Variants in ERICH1 observed in about 807,000 individuals in gnomAD.
ERICH1 encodes glutamate rich 1.
In ERICH1, 56 loss-of-function variants were observed where a neutral mutation model predicts 39.6. That is an observed-to-expected ratio of 1.41 (90% CI 1.14 to 1.77). ERICH1 has a LOEUF of 1.77. Ranked by LOEUF, ERICH1 falls within the 40% of genes most tolerant of loss-of-function variation. ERICH1 has a pLI of 0.00. For missense variants in ERICH1, 826 were observed against 575.4 expected (o/e 1.44, Z -4.45); for synonymous variants, 313 against 223.6 (o/e 1.40, Z -3.57).
downstream of ERICH1, among the ~76,000 whole-genome samples, chr8:662,371 G>A (rs140509575): frequency 3.6e-4 from 55 of 152,334 alleles, no homozygotes; most frequent in Middle Eastern, 3.4e-3. Context: ...CATTTAGGCC[G>A]GGTGCAGTGG....
intron 2 of ERICH1, among the ~76,000 whole-genome samples, chr8:706,649 C>G (rs1348057284): frequency 6.6e-6 from 1 of 152,078 alleles, no homozygotes; most frequent in Non-Finnish European, 1.5e-5. Flanking sequence ...CGTGGTGGCA[C>G]ACGCATGTAA....
intron 4 of ERICH1, 151 bp from the exon 5 acceptor site, chr8:668,943 C>G (rs569132318): frequency 2.8e-6 from 2 of 709,302 alleles, no homozygotes; most frequent in Non-Finnish European, 2.3e-6. Context: ...AAGAGAGAAT[C>G]AGAACAGAGC....
At chr8:697,602 G>A (rs1810628016) in intron 2 of ERICH1, among the ~76,000 whole-genome samples, 1 of 152,104 alleles carries the variant, frequency 6.6e-6, no homozygotes, top group South Asian at 2.1e-4. Flanking sequence ...GGGTGGGTGA[G>A]GGGTCAGGGC....
At chr8:631,461 C>A (rs1258958628) in intron 3 of ERICH1, among the ~76,000 whole-genome samples, 1 of 152,074 alleles carries the variant, frequency 6.6e-6, no homozygotes, top group African/African-American at 2.4e-5. Context: ...GGGTCTGTAA[C>A]CTGAGCGGGA....
rs575949036 is a variant in ERICH1, at chr8:710,360, C to T, written c.169+5501G>A. 3.1e-3 allele frequency among the ~76,000 whole-genome samples: 462 copies of T among 148,142 alleles called. 2 individuals are homozygous for T. The highest frequency in any genetic ancestry group is 0.011 in the African/African-American group (441 of 39,876). On this transcript the variant is annotated intron_variant, in intron 2 of 5. Transcript: ENST00000262109. ...ACCTGCTCCTCCCAGTCCTCGGCATCGTACGGGGCGGTTTCACCGTCCTGC... is the reference window on the plus strand; with the variant it reads ...ACCTGCTCCTCCCAGTCCTCGGCATTGTACGGGGCGGTTTCACCGTCCTGC...
At chr8:634,652 G>A (rs1798285663) in intron 3 of ERICH1, among the ~76,000 whole-genome samples, 1 of 152,110 alleles carries the variant, frequency 6.6e-6, no homozygotes, top group South Asian at 2.1e-4. Flanking sequence ...GGAGCAGCCG[G>A]ACCAGCCCCC....
At position 648,233 on chromosome 8, in the gene ERICH1, C is replaced by G. The variant is rs1232685504; in HGVS notation, c.976+20365G>C. Among the ~76,000 whole-genome samples the G allele has an allele frequency of 3.0e-5, 2 of 66,394 alleles. 1 individual carries two copies. Among genetic ancestry groups the G allele is most frequent in the South Asian group, 1.1e-3 (2 of 1,770 alleles). 43.6% of individuals were successfully genotyped at this position (66,394 alleles called of 152,430 possible). A position where few individuals can be genotyped will look rare whatever the true frequency, so the allele number is the denominator to read the frequency against. On this transcript the variant is annotated intron_variant, in intron 3 of 3. Transcript: ENST00000522706. ...CCTTCACAGTGGGCTTCCCAGCACC[C>G]AGAACTATGGGAAATACATTTCTTT...
At position 664,437 on chromosome 8, in the gene ERICH1, A is replaced by T; in HGVS notation, c.*166T>A. 7.9e-7 allele frequency: 1 copy of T among 1,259,820 alleles called. No homozygotes were observed. The highest frequency in any genetic ancestry group is 3.8e-5 in the Admixed American group (1 of 26,318). 78.0% of individuals were successfully genotyped at this position (1,259,820 alleles called of 1,614,324 possible). The stretch of plus-strand genomic sequence containing the variant: ...AATTTCCATTTTACCCCAATTTCTC[A>T]TCTGAAGCCTCAGATGGCATCTTGC... On this transcript the variant is annotated 3_prime_UTR_variant, in exon 6 of 6. Coordinates refer to ENST00000262109, the MANE Select transcript of ERICH1 (RefSeq NM_207332.3).
intron 1 of ERICH1, among the ~76,000 whole-genome samples, chr8:719,284 C>G (rs1319872287): frequency 6.6e-6 from 1 of 152,238 alleles, no homozygotes; most frequent in Non-Finnish European, 1.5e-5. Flanking sequence ...CCTGCCCCAT[C>G]CACCCTCCAT....
chr8:709,176 A>G (rs576552968), intron 2 of ERICH1, among the ~76,000 whole-genome samples: 1 of 152,294 alleles, frequency 6.6e-6, no homozygotes, highest in African/African-American at 2.4e-5. Flanking sequence ...CCCTTGTGAC[A>G]CGACCTGATC....
At position 629,010 on chromosome 8, in the gene ERICH1, G is replaced by C. The variant is rs576527046; in HGVS notation, c.977-13726C>G. ...TGGCTTGAATCCATCAGCATCCTTT[G>C]TTCAGAAGGGCTCTCGGGGCCATGC... is the stretch of plus-strand genomic sequence containing the variant. On this transcript the variant is annotated intron_variant, in intron 3 of 3. Transcript: ENST00000522706. 3.9e-5 allele frequency among the ~76,000 whole-genome samples: 6 copies of C among 152,224 alleles called. No individual in the cohort carries two copies. In the East Asian group the frequency reaches 7.7e-4, roughly 20 times the overall value.
chr8:656,942 T>C (rs1256202899), intron 3 of ERICH1: 3 of 690,918 alleles, frequency 4.3e-6, no homozygotes, highest in Non-Finnish European at 5.4e-6. Flanking sequence ...ACCTAAATAA[T>C]GCATTTTAGT....
At chr8:626,076 A>G (rs1563163983) in intron 3 of ERICH1, 1 of 152,358 alleles carries the variant, frequency 6.6e-6, no homozygotes, top group East Asian at 1.9e-4. Flanking sequence ...GAACATGTGA[A>G]TCGTTTCCAC....
intron 3 of ERICH1, among the ~76,000 whole-genome samples, chr8:655,932 T>A (rs1800606478): frequency 6.6e-6 from 1 of 152,132 alleles, no homozygotes; most frequent in Non-Finnish European, 1.5e-5. Flanking sequence ...TTCTCGCAGT[T>A]ACACCCAATC....
chr8:663,081 G>A (rs1322731514), downstream of ERICH1, among the ~76,000 whole-genome samples: 1 of 152,248 alleles, frequency 6.6e-6, no homozygotes, highest in Non-Finnish European at 1.5e-5. Context: ...CCTGCATCAA[G>A]ACGGGGACAC....
intron 3 of ERICH1, chr8:656,868 A>G (rs1435877463): frequency 2.0e-6 from 2 of 982,952 alleles, no homozygotes; most frequent in African/African-American, 3.5e-5. Flanking sequence ...CTAGAAAACA[A>G]AGCAGAAACT....
intron 1 of ERICH1, among the ~76,000 whole-genome samples, chr8:717,152 A>T (rs1816202599): frequency 6.6e-6 from 1 of 152,172 alleles, no homozygotes; most frequent in Non-Finnish European, 1.5e-5. Context: ...GTGAGCACAA[A>T]GCCTGCTTTT....
chr8:711,732 C>T (rs1814785697), intron 2 of ERICH1, among the ~76,000 whole-genome samples: 2 of 152,064 alleles, frequency 1.3e-5, no homozygotes, highest in Admixed American at 6.6e-5. Flanking sequence ...CTCCTGACCT[C>T]GTGATCCGCC....
In ERICH1 at chr8:668,648, C is replaced by A; in HGVS notation, c.1208G>T (p.Arg403Ile). The A allele has an allele frequency of 6.2e-7, 1 of 1,614,220 alleles. No individual in the cohort carries two copies. Residue 403 changes from arginine to isoleucine, a missense_variant, in exon 5 of 6, where the codon AGA becomes ATA. Arg to Ile is a moderately conservative substitution (Grantham distance 97, BLOSUM62 -3). Transcript: ENST00000262109. ...KTLLLLQDTE[R>I]LKHALEMFPE... Reference sequence around the variant, plus strand: ...GAACATTTCCAGAGCATGCTTCAATCTCTCAGTATCTTGCAGGAGCAGCAG... The same window carrying A: ...GAACATTTCCAGAGCATGCTTCAATATCTCAGTATCTTGCAGGAGCAGCAG...
Sources: gnomAD v4.1 joint callset for allele counts (sites outside exome capture counted in the v4.1 genomes callset) on GRCh38, gnomAD v4.1.1 for gene constraint, MANE v1.5 for transcripts, NCBI Gene and HGNC (gene_info 2026-07-23, HGNC 2026-07-21) for gene names.